The following MYO15A variants were observed in gnomAD, a reference collection of about 807,000 sequenced individuals.
The protein encoded by MYO15A is myosin XVA.
A neutral mutation model predicts 394.6 loss-of-function variants in MYO15A; 308 were observed. That is an observed-to-expected ratio of 0.78 (90% CI 0.71 to 0.86). MYO15A has a LOEUF of 0.86. Among genes scored for constraint, MYO15A ranks in the 40% least tolerant of loss-of-function variants. The pLI is 0.00. For missense variants in MYO15A, 4,606 were observed against 4,799.1 expected (o/e 0.96, Z 1.19); for synonymous variants, 1,957 against 2,003.8 (o/e 0.98, Z 0.62).
In MYO15A at chr17:18,141,064, T is replaced by C. The variant is rs757124494; in HGVS notation, c.5452T>C (p.Tyr1818His). 1.2e-6 allele frequency: 2 copies of C among 1,613,926 alleles called. No homozygotes were observed. Among genetic ancestry groups the C allele is most frequent in the Non-Finnish European group, 8.5e-7 (1 of 1,180,042 alleles). Residue 1818 changes from tyrosine (Y) to histidine (H), a missense_variant, in exon 22 of 66, where the codon TAT (tyrosine) becomes CAT (histidine). This residue lies in a region of MYO15A where 2,776 missense variants were observed against 3,109.3 expected (regional missense o/e 0.89). Coordinates refer to ENST00000647165, the MANE Select transcript of MYO15A (RefSeq NM_016239.4). ...AGATGTGGTAATGGCACAATTACGC[T>C]ATTCAGGGGTGCTGGAGACCGTGAG... ...EPDVVMAQLR[Y>H]SGVLETVRIR...
chr17:18,136,825 C>T, intron 15 of MYO15A, 139 bp downstream of exon 15: 1 of 1,264,914 alleles, frequency 7.9e-7, no homozygotes, highest in East Asian at 2.5e-5. Flanking sequence ...TCCCTGTCAC[C>T]ATCTCCCTTG....
Position 18,138,329 on chromosome 17 carries a change from CCT to C in MYO15A, c.5007+88_5007+89del, listed in dbSNP as rs370183293. ...CTCATCCCACCCTGACTCCTTCATT[CCT>C]CTCTGCTCTGGCCTGAGTCAGGCAG... On this transcript the variant is annotated intron_variant, in intron 17 of 65. Transcript: ENST00000647165. 1.2e-4 allele frequency: 182 copies of C among 1,516,440 alleles called. 1 individual carries two copies. The African/African-American group carries it at 1.9e-3, about 16-fold the overall frequency. The allele number at this position is 1,516,440 out of a possible 1,614,324, so 93.9% of individuals were successfully genotyped here. A position where few individuals can be genotyped will look rare whatever the true frequency, so the allele number is the denominator to read the frequency against.
intron 59 of MYO15A, 77 bp downstream of exon 59, chr17:18,163,398 TGGAG>T: frequency 1.4e-6 from 2 of 1,423,172 alleles, no homozygotes; most frequent in Non-Finnish European, 2.0e-6. Flanking sequence ...AGGATGGGGG[TGGAG>T]TAAGCCCCCA....
intron 55 of MYO15A, 100 bp downstream of exon 55, chr17:18,159,779 C>T: frequency 6.7e-7 from 1 of 1,491,152 alleles, no homozygotes. Flanking sequence ...GGAAACCTCT[C>T]CCATGGTCCA....
In MYO15A at chr17:18,150,692, C is replaced by T. The variant is rs1225222504; in HGVS notation, c.7328-6C>T. 6.3e-7 allele frequency: 1 copy of T among 1,590,026 alleles called. No individual in the cohort carries two copies. Among genetic ancestry groups the T allele is most frequent in the Non-Finnish European group, 8.6e-7 (1 of 1,166,884 alleles). ...GCCATCTGTGCCTTCTGCCCCCTCC[C>T]CTCAGTCCCAGGCCTGGATGCCTCC... On this transcript the variant is annotated splice_polypyrimidine_tract_variant and splice_region_variant and intron_variant, in intron 36 of 65. Coordinates refer to ENST00000647165, the MANE Select transcript of MYO15A (RefSeq NM_016239.4). This position sits in a 1 kb window ranked among gnomAD's most constrained non-coding sequence, Gnocchi z 4.4.
In MYO15A at chr17:18,118,597, G is replaced by T; in HGVS notation, c.-204G>T. 1 of 687,776 alleles carries T rather than the reference G, an allele frequency of 1.5e-6. No individual in the cohort carries two copies. Among genetic ancestry groups the T allele is most frequent in the Non-Finnish European group, 2.4e-6 (1 of 415,984 alleles). The allele number at this position is 687,776 out of a possible 1,614,324, so 42.6% of individuals were successfully genotyped here. On this transcript the variant is annotated 5_prime_UTR_variant, in exon 2 of 66. Transcript: ENST00000647165. ...ACTGCTCTAGGGTGAAACCCAAGGC[G>T]CTCTAGAGGAGATGAATTATGGATC...
At position 18,136,644 on chromosome 17, in the gene MYO15A, G is replaced by C; in HGVS notation, c.4737G>C (p.Gln1579His). The C allele has an allele frequency of 6.2e-7, 1 of 1,613,088 alleles. No homozygotes were observed. The highest frequency in any genetic ancestry group is 1.1e-5 in the South Asian group (1 of 91,038). The change falls in exon 15 of 66, where the codon CAG becomes CAC. Residue 1579 changes from glutamine to histidine, a missense_variant. Physicochemically the swap from Gln to His is conservative, Grantham distance 24. Coordinates refer to ENST00000647165, the MANE Select transcript of MYO15A (RefSeq NM_016239.4). ...TRVNALVSPR[Q>H]DTLSIAILDI... is the part of the protein sequence containing the mutation. ...TCAACGCGCTGGTGTCCCCAAGGCA[G>C]GACACACTGTCCATCGCCATCCTGG...
At position 18,158,912 on chromosome 17, in the gene MYO15A, C is replaced by T. The variant is rs1456480011; in HGVS notation, c.9084-13C>T. 3.1e-6 allele frequency: 5 copies of T among 1,614,098 alleles called. No homozygotes were observed. Among genetic ancestry groups the T allele is most frequent in the East Asian group, 2.2e-5 (1 of 44,882 alleles). On this transcript the variant is annotated splice_polypyrimidine_tract_variant and intron_variant, in intron 52 of 65. Transcript: ENST00000647165. ...GGGCAGGACAGGTCAGTAGCACCCACCTCCCACTGCAGGGATGGCCTCAGG... is the reference window on the plus strand; with the variant it reads ...GGGCAGGACAGGTCAGTAGCACCCATCTCCCACTGCAGGGATGGCCTCAGG...
chr17:18,149,950 CAAAAA>C lies in MYO15A; in HGVS notation c.7212+387_7212+391del, dbSNP rs369728454. ...CCTGGGCAACAACAAGACCCTGTCT[CAAAAA>C]AAAAAAAAAAAAAAAAGAAAGGGAA... On this transcript the variant is annotated intron_variant, in intron 35 of 65. Coordinates refer to ENST00000647165, the MANE Select transcript of MYO15A (RefSeq NM_016239.4). The C allele has an allele frequency of 1.0e-3, 131 of 125,022 alleles. No homozygotes were observed. In the Middle Eastern group the frequency reaches 0.011, roughly 10 times the overall value. 7.7% of individuals were successfully genotyped at this position (125,022 alleles called of 1,614,324 possible).
At chr17:18,178,740 TG>T (rs1444663370) in intron 65 of MYO15A, 28 bp from the exon 66 acceptor site, 1 of 1,605,242 alleles carries the variant, frequency 6.2e-7, no homozygotes, top group South Asian at 1.1e-5. Context: ...AAGTGTTGGA[TG>T]GGCGTGGACT....
intron 60 of MYO15A, among the ~76,000 whole-genome samples, chr17:18,165,949 G>C (rs1027826227): frequency 6.6e-6 from 1 of 152,178 alleles, no homozygotes; most frequent in Non-Finnish European, 1.5e-5. Flanking sequence ...CACCCACTGG[G>C]TCTCATAGTG....
chr17:18,144,091 C>T, intron 28 of MYO15A, 91 bp downstream of exon 28: 3 of 1,576,384 alleles, frequency 1.9e-6, no homozygotes, highest in East Asian at 2.2e-5. Context: ...AGGCTCCTGG[C>T]TGTGCCCTGT....
chr17:18,130,343 G>C (rs909077533), intron 7 of MYO15A, among the ~76,000 whole-genome samples: 2 of 151,860 alleles, frequency 1.3e-5, no homozygotes, highest in African/African-American at 4.8e-5. Flanking sequence ...AGAAAATAGA[G>C]AGTTTGCCAA....
At chr17:18,161,146 C>A (rs2046769023) in intron 56 of MYO15A, 171 bp from the exon 57 acceptor site, 1 of 1,080,756 alleles carries the variant, frequency 9.3e-7, no homozygotes, top group Non-Finnish European at 1.4e-6. Flanking sequence ...ATCCCCAATC[C>A]TGACTTCCCA....
At chr17:18,126,956 T>G (rs2046056213) in intron 6 of MYO15A, 91 bp downstream of exon 6, 2 of 1,596,952 alleles carry the variant, frequency 1.3e-6, no homozygotes, top group African/African-American at 1.3e-5. Context: ...CCTTGGAAGA[T>G]TGCCTGGTAC....
At chr17:18,143,219 TGAAGCA>T (rs964068761) in intron 25 of MYO15A, among the ~76,000 whole-genome samples, 4 of 152,182 alleles carry the variant, frequency 2.6e-5, no homozygotes, top group African/African-American at 9.7e-5. Context: ...CCCAAAGCAA[TGAAGCA>T]GTAGGTAGCC....
chr17:18,158,954 C>T lies in MYO15A; in HGVS notation c.9113C>T (p.Pro3038Leu), dbSNP rs1375574713. ...QDGLRLKSKE[P>L]RESRTLEDML... ...GGCCTCAGGCTGAAATCCAAGGAGC[C>T]TCGGGAGTCCAGAACCTTGGAGGAC... Residue 3038 changes from proline (P) to leucine (L), a missense_variant, in exon 53 of 66, where the codon CCT becomes CTT. By Grantham distance (98) the Pro-to-Leu change is moderately conservative. Around this residue, in one of 2 missense-constraint regions of MYO15A, gnomAD observed 2,776 missense variants for 3,109.3 expected, o/e 0.89. Transcript: ENST00000647165. 16 of 1,614,016 alleles carry T rather than the reference C, an allele frequency of 9.9e-6. No homozygotes were observed. The highest frequency in any genetic ancestry group is 6.7e-5 in the East Asian group (3 of 44,894).
chr17:18,139,031 C>G lies in MYO15A; in HGVS notation c.5133+95C>G. On this transcript the variant is annotated intron_variant, in intron 18 of 65. Coordinates refer to ENST00000647165, the MANE Select transcript of MYO15A (RefSeq NM_016239.4). ...CAACACTGGCCCCAGACATTCACAG[C>G]CAGGTCCAATTCTGGCTCTGCTGTG... The G allele has an allele frequency of 2.0e-6, 3 of 1,527,552 alleles. No individual in the cohort carries two copies. In the South Asian group the frequency reaches 3.6e-5, roughly 18 times the overall value. The allele number at this position is 1,527,552 out of a possible 1,614,324, so 94.6% of individuals were successfully genotyped here.
chr17:18,168,278 T>A (rs1267610317), intron 62 of MYO15A, among the ~76,000 whole-genome samples: 1 of 151,922 alleles, frequency 6.6e-6, no homozygotes, highest in Non-Finnish European at 1.5e-5. Flanking sequence ...AGAAACAGGG[T>A]CTTGTGGCCG....
Sources: allele counts gnomAD v4.1 joint callset (sites outside exome capture counted in the v4.1 genomes callset), GRCh38; gene constraint gnomAD v4.1.1; regional missense constraint gnomAD v4.1.1; non-coding constraint Gnocchi (gnomAD v3.1); transcripts MANE v1.5; gene names NCBI Gene and HGNC (gene_info 2026-07-23, HGNC 2026-07-21).